Variants in PCDH15 observed in about 807,000 individuals in gnomAD.
PCDH15 encodes protocadherin-15.
A neutral mutation model predicts 178.5 loss-of-function variants in PCDH15; 129 were observed. That is an observed-to-expected ratio of 0.72 (90% CI 0.63 to 0.84). The LOEUF (loss-of-function observed/expected upper bound fraction) is 0.84, where lower values mean the gene tolerates loss of function less well. Ranked by LOEUF, PCDH15 falls within the 40% of genes least tolerant of loss-of-function variation. The probability of loss-of-function intolerance (pLI) is 0.00; values close to 1 mark genes in which losing one functional copy is unlikely to be tolerated. For synonymous variants in PCDH15, 800 were observed against 732.0 expected, an observed-to-expected ratio of 1.09 and a Z score of -1.50; for missense variants, 2,230 against 2,099.9, an observed-to-expected ratio of 1.06 and a Z score of -1.21.
At chr10:53,808,412 C>T (rs2075738165) in intron 37 of PCDH15, 23 of 1,124,196 alleles carry the variant, frequency 2.0e-5, no homozygotes, top group Non-Finnish European at 2.5e-5. Flanking sequence ...ATTGCATTAA[C>T]AAAAATCCTA....
chr10:55,272,325 G>A (rs1842466428), intron 1 of PCDH15, among the ~76,000 whole-genome samples: 1 of 150,910 alleles, frequency 6.6e-6, no homozygotes, highest in Admixed American at 6.6e-5. Flanking sequence ...TCATTCCAGA[G>A]TTCAAAGTTG....
chr10:53,823,769 A>G (rs545400395), intron 32 of PCDH15: 1 of 453,432 alleles, frequency 2.2e-6, no homozygotes, highest in East Asian at 6.9e-5. Flanking sequence ...TTACGCATAG[A>G]AGATTCTTAG....
chr10:54,853,402 C>T (rs202192049), intron 3 of PCDH15, among the ~76,000 whole-genome samples: 3 of 141,826 alleles, frequency 2.1e-5, no homozygotes, highest in African/African-American at 5.2e-5. Context: ...TATATACACA[C>T]ACATATATAT....
In PCDH15 at chr10:55,286,123, T is replaced by G. The variant is rs115723857; in HGVS notation, c.-156+33476A>C. Among the ~76,000 whole-genome samples, 1,476 of 152,088 alleles carry G rather than the reference T, an allele frequency of 9.7e-3. 22 individuals carry two copies. The highest frequency in any genetic ancestry group is 0.032 in the African/African-American group (1,346 of 41,550). ...CTCATATAATACCTACGCATGTTTC[T>G]TTCTTTTCCATTAAAATTATCCAAA... On this transcript the variant is annotated intron_variant, in intron 1 of 5. Coordinates refer to the PCDH15 transcript ENST00000458638.
chr10:55,458,240 A>T (rs981225474), intron 2 of PCDH15, among the ~76,000 whole-genome samples: 2 of 152,034 alleles, frequency 1.3e-5, no homozygotes, highest in African/African-American at 4.8e-5. Context: ...ATTTGTGAAT[A>T]TCTTCTCCCT....
chr10:54,166,318 T>A (rs573790796), intron 13 of PCDH15, among the ~76,000 whole-genome samples: 1 of 152,342 alleles, frequency 6.6e-6, no homozygotes, highest in Non-Finnish European at 1.5e-5. Context: ...AAGGATTATT[T>A]CTTGCAAAAT....
intron 2 of PCDH15, among the ~76,000 whole-genome samples, chr10:55,028,791 G>A (rs1295518775): frequency 2.0e-5 from 3 of 151,902 alleles, no homozygotes; most frequent in East Asian, 3.9e-4. Context: ...TAAGCTACAC[G>A]AAACTTTTAA....
At chr10:54,524,909 G>A (rs2132610684) in intron 3 of PCDH15, among the ~76,000 whole-genome samples, 1 of 152,256 alleles carries the variant, frequency 6.6e-6, no homozygotes, top group African/African-American at 2.4e-5. Context: ...TGCTGTTGAG[G>A]ACAAAGATCA....
At chr10:54,470,824 A>G (rs1192357929) in intron 3 of PCDH15, among the ~76,000 whole-genome samples, 2 of 151,992 alleles carry the variant, frequency 1.3e-5, no homozygotes, top group South Asian at 4.1e-4. Context: ...ATTTTTTCTT[A>G]GGTGATCTAT....
At chr10:54,702,009 C>T (rs543897344) in intron 1 of PCDH15, among the ~76,000 whole-genome samples, 212 of 152,166 alleles carry the variant, frequency 1.4e-3, no homozygotes, top group African/African-American at 5.0e-3. Context: ...ATACATTCTT[C>T]TCATCTGTAC....
At chr10:54,585,486 G>A in intron 2 of PCDH15, 1 of 200,768 alleles carries the variant, frequency 5.0e-6, no homozygotes, top group Non-Finnish European at 1.1e-5. Context: ...CTAACCTTCA[G>A]AACTGTTGTT....
intron 2 of PCDH15, among the ~76,000 whole-genome samples, chr10:55,024,950 A>C (rs1226651177): frequency 3.3e-5 from 5 of 152,088 alleles, no homozygotes; most frequent in Admixed American, 3.3e-4. Context: ...TTTTTAATCA[A>C]AACAGGATTT....
At chr10:55,378,206 A>G (rs140537827) in intron 2 of PCDH15, among the ~76,000 whole-genome samples, 125 of 152,266 alleles carry the variant, frequency 8.2e-4, no homozygotes, top group African/African-American at 2.9e-3. Context: ...TTAAAGTATA[A>G]TAATAATAAA....
intron 3 of PCDH15, among the ~76,000 whole-genome samples, chr10:54,837,331 G>C (rs1171077538): frequency 6.6e-6 from 1 of 152,042 alleles, no homozygotes; most frequent in Non-Finnish European, 1.5e-5. Context: ...ATTCCCATGA[G>C]TTTTAGGGAC....
At chr10:53,988,479 T>C (rs1391556648) in intron 21 of PCDH15, among the ~76,000 whole-genome samples, 1 of 152,154 alleles carries the variant, frequency 6.6e-6, no homozygotes, top group African/African-American at 2.4e-5. Context: ...CTCTAGGCTA[T>C]GTTAGGTCTG....
chr10:54,351,352 G>C (rs913467483), intron 5 of PCDH15, among the ~76,000 whole-genome samples: 3 of 152,122 alleles, frequency 2.0e-5, no homozygotes, highest in African/African-American at 7.2e-5. Context: ...CAGAGTGTTA[G>C]TAGTGAACTG....
In PCDH15 at chr10:53,805,131, A is replaced by AAACAATT. The variant is rs1264252878; in HGVS notation, c.*1441_*1447dup. The AAACAATT allele has an allele frequency of 6.6e-6, 1 of 152,066 alleles. No homozygotes were observed. The highest frequency in any genetic ancestry group is 2.4e-5 in the African/African-American group (1 of 41,432). 9.4% of individuals were successfully genotyped at this position (152,066 alleles called of 1,614,324 possible). ...GGAAATGAGGAAATAGCATAATAAT[A>AAACAATT]AACAATTTTTAAGACGCGAAACATG... On this transcript the variant is annotated 3_prime_UTR_variant, in exon 38 of 38. Coordinates refer to ENST00000644397, the MANE Select transcript of PCDH15 (RefSeq NM_001384140.1).
At chr10:54,978,724 C>G (rs773590101) in intron 2 of PCDH15, among the ~76,000 whole-genome samples, 5 of 152,076 alleles carry the variant, frequency 3.3e-5, no homozygotes, top group Non-Finnish European at 7.4e-5. Flanking sequence ...TTTTTACCTG[C>G]TTTTTGGTCA....
chr10:55,526,291 A>G (rs1292019517), intron 2 of PCDH15, among the ~76,000 whole-genome samples: 1 of 152,006 alleles, frequency 6.6e-6, no homozygotes, highest in Non-Finnish European at 1.5e-5. Flanking sequence ...GAAGTTTAAG[A>G]CAAATTCATC....
Sources: gnomAD v4.1 joint callset for allele counts (sites outside exome capture counted in the v4.1 genomes callset) on GRCh38, gnomAD v4.1.1 for gene constraint, MANE v1.5 for transcripts, NCBI Gene and HGNC (gene_info 2026-07-23, HGNC 2026-07-21) for gene names.